NSRP1: variants seen among roughly 807,000 people sequenced by gnomAD.
The protein encoded by NSRP1 is nuclear speckle splicing regulatory protein 1, also known as coiled-coil domain containing 55.
A neutral mutation model predicts 54.7 loss-of-function variants in NSRP1; 24 were observed. The ratio of observed to expected loss-of-function variants is 0.44; its 90% CI spans 0.32 to 0.62. The LOEUF (loss-of-function observed/expected upper bound fraction) is 0.62. Ranked by LOEUF, NSRP1 falls within the 20% of genes least tolerant of loss-of-function variation. The probability of loss-of-function intolerance (pLI) is 0.06; values close to 1 mark genes in which losing one functional copy is unlikely to be tolerated. For missense variants in NSRP1, 596 were observed against 651.2 expected (o/e 0.92, Z 0.92); for synonymous variants, 210 against 213.8 (o/e 0.98, Z 0.15).
intron 2 of NSRP1, among the ~76,000 whole-genome samples, chr17:30,136,386 A>G (rs568899577): frequency 6.6e-6 from 1 of 152,234 alleles, no homozygotes; most frequent in South Asian, 2.1e-4. Context: ...ATCTCTTTTA[A>G]TATATGATAG....
At chr17:30,139,912 T>C (rs1297118305) in intron 2 of NSRP1, among the ~76,000 whole-genome samples, 1 of 152,152 alleles carries the variant, frequency 6.6e-6, no homozygotes, top group Non-Finnish European at 1.5e-5. Flanking sequence ...TAGTCCCAGC[T>C]ACTGGGGAGG....
chr17:30,129,050 G>A (rs952424139), intron 2 of NSRP1, among the ~76,000 whole-genome samples: 4 of 150,870 alleles, frequency 2.7e-5, no homozygotes, highest in Non-Finnish European at 5.9e-5. Flanking sequence ...GAGCCACCAC[G>A]CCTGGCATGA....
rs1905473349 is a variant in NSRP1, at chr17:30,185,111, G to A, written c.1114G>A (p.Glu372Lys). The part of the protein sequence containing the change: ...EDKPRARDQR[E>K]RSDRVWKREK... ...TAAACCAAGGGCGAGGGACCAAAGAGAAAGAAGTGACAGAGTATGGAAAAG... is the reference window on the plus strand; with the variant it reads ...TAAACCAAGGGCGAGGGACCAAAGAAAAAGAAGTGACAGAGTATGGAAAAG... Residue 372 changes from glutamate to lysine, a missense_variant, in exon 7 of 7, where the codon GAA becomes AAA. By Grantham distance (56) the Glu-to-Lys change is moderately conservative (BLOSUM62 1). Coordinates refer to ENST00000247026, the MANE Select transcript of NSRP1 (RefSeq NM_032141.4). The A allele has an allele frequency of 2.5e-6, 4 of 1,612,478 alleles. No individual in the cohort carries two copies. The highest frequency in any genetic ancestry group is 3.4e-6 in the Non-Finnish European group (4 of 1,179,238).
intron 6 of NSRP1, among the ~76,000 whole-genome samples, chr17:30,183,868 A>C (rs765298721): frequency 1.3e-5 from 2 of 152,186 alleles, no homozygotes; most frequent in Admixed American, 6.5e-5. Flanking sequence ...CTGTGCAAAG[A>C]TTATCTTCAT....
chr17:30,160,058 C>G (rs757227312), intron 2 of NSRP1, among the ~76,000 whole-genome samples: 1 of 152,048 alleles, frequency 6.6e-6, no homozygotes. Context: ...TTGAGATGAT[C>G]ATATGGTTTT....
At chr17:30,119,095 CT>C (rs945158662) in intron 2 of NSRP1, among the ~76,000 whole-genome samples, 55 of 142,586 alleles carry the variant, frequency 3.9e-4, no homozygotes, top group Non-Finnish European at 3.2e-4. Context: ...ATTTTTTTTT[CT>C]TTTTTTTTTT....
intron 5 of NSRP1, 82 bp from the exon 6 acceptor site, chr17:30,180,826 A>G (rs1479693510): frequency 6.8e-6 from 6 of 876,488 alleles, no homozygotes; most frequent in South Asian, 1.4e-5. Context: ...TACACACTGT[A>G]TGTTATATAC....
At chr17:30,133,733 T>A (rs74605772) in intron 2 of NSRP1, among the ~76,000 whole-genome samples, 1 of 152,364 alleles carries the variant, frequency 6.6e-6, no homozygotes, top group Non-Finnish European at 1.5e-5. Context: ...ATGGTCCCTG[T>A]TAGGTTTTCT....
chr17:30,181,041 T>C (rs764759012), intron 6 of NSRP1, 25 bp downstream of exon 6: 1 of 1,399,224 alleles, frequency 7.1e-7, no homozygotes, highest in Non-Finnish European at 1.0e-6. Context: ...ATGAAATATT[T>C]TGAAGAAAAA....
intron 3 of NSRP1, among the ~76,000 whole-genome samples, chr17:30,177,375 T>TAAA (rs35998302): frequency 2.0e-5 from 3 of 148,144 alleles, no homozygotes; most frequent in South Asian, 2.1e-4. Flanking sequence ...CCCATCGCTT[T>TAAA]AAAAAAAAAA....
At chr17:30,128,201 A>T (rs983604023) in intron 2 of NSRP1, 16 of 160,994 alleles carry the variant, frequency 9.9e-5, no homozygotes, top group South Asian at 2.0e-4. Flanking sequence ...TATATATATA[A>T]AATTACTCAG....
chr17:30,176,352 T>G (rs1395845305), intron 3 of NSRP1, among the ~76,000 whole-genome samples: 1 of 152,154 alleles, frequency 6.6e-6, no homozygotes, highest in African/African-American at 2.4e-5. Flanking sequence ...GGCTCATGCA[T>G]GTAATCCCTG....
At chr17:30,149,116 T>C (rs190558914) in intron 2 of NSRP1, among the ~76,000 whole-genome samples, 4 of 152,334 alleles carry the variant, frequency 2.6e-5, no homozygotes. Flanking sequence ...CCTTTATGAT[T>C]TGTTTAACCT....
At chr17:30,172,459 A>G (rs904100865) in intron 2 of NSRP1, 83 bp from the exon 3 acceptor site, 67 of 1,002,674 alleles carry the variant, frequency 6.7e-5, no homozygotes, top group African/African-American at 6.4e-4. Flanking sequence ...TTCTGGTCCC[A>G]TGTATTTTAG....
intron 6 of NSRP1, among the ~76,000 whole-genome samples, chr17:30,184,040 A>G (rs1905415034): frequency 2.0e-5 from 3 of 152,304 alleles, no homozygotes; most frequent in Admixed American, 2.0e-4. Flanking sequence ...TGTCTCTACT[A>G]AAAATACAAA....
intron 2 of NSRP1, among the ~76,000 whole-genome samples, chr17:30,118,853 A>T (rs2071570456): frequency 6.6e-6 from 1 of 150,482 alleles, no homozygotes; most frequent in African/African-American, 2.5e-5. Context: ...GGTTCAAGCG[A>T]TTCTCTTGCC....
chr17:30,154,140 C>T (rs149992893), intron 2 of NSRP1, among the ~76,000 whole-genome samples: 2,028 of 151,698 alleles, frequency 0.013, 40 homozygotes, highest in African/African-American at 0.047. Context: ...GGGTAACATA[C>T]TGAGACCCCA....
intron 2 of NSRP1, among the ~76,000 whole-genome samples, chr17:30,169,098 A>G (rs1042077021): frequency 6.6e-6 from 1 of 152,138 alleles, no homozygotes; most frequent in Non-Finnish European, 1.5e-5. Context: ...GAACATAGAA[A>G]CAAAATCTTT....
chr17:30,116,861 G>C lies in NSRP1; in HGVS notation c.18G>C (p.Arg6Ser), dbSNP rs1321947169. ...GGAGCAAGATGGCGATTCCGGGCAG[G>C]CAGTGAGTGATCCGGGAGTTAGGGT... is the stretch of plus-strand genomic sequence containing the variant. MAIPG[R>S]QYGLILPKKT... The change falls in exon 1 of 7, where the codon AGG (arginine) becomes AGC (serine). Residue 6 changes from arginine (R) to serine (S), a missense_variant and splice_region_variant. Coordinates refer to ENST00000247026, the MANE Select transcript of NSRP1 (RefSeq NM_032141.4). The C allele has an allele frequency of 6.3e-7, 1 of 1,575,276 alleles. No individual in the cohort carries two copies. Among genetic ancestry groups the C allele is most frequent in the South Asian group, 1.2e-5 (1 of 85,852 alleles).
Sources: gnomAD v4.1 joint callset for allele counts (sites outside exome capture counted in the v4.1 genomes callset) on GRCh38, gnomAD v4.1.1 for gene constraint, MANE v1.5 for transcripts, NCBI Gene and HGNC (gene_info 2026-07-23, HGNC 2026-07-21) for gene names.